Variants in FXN observed in about 807,000 individuals in gnomAD.
FXN encodes the protein frataxin, mitochondrial.
FXN carries 14 observed loss-of-function variants against 22.4 expected under a neutral mutation model. That is an observed-to-expected ratio of 0.62 (90% confidence interval 0.41 to 0.98). The LOEUF (loss-of-function observed/expected upper bound fraction) is 0.98, where lower values mean the gene tolerates loss of function less well. FXN is among the 50% of genes least tolerant of loss of function. The pLI is 0.00. For missense variants in FXN, 267 were observed against 268.4 expected, an observed-to-expected ratio of 0.99 and a Z score of 0.04; for synonymous variants, 120 against 114.1, an observed-to-expected ratio of 1.05 and a Z score of -0.33.
chr9:69,071,832 C>G (rs1280395675), intron 4 of FXN, among the ~76,000 whole-genome samples: 1 of 152,182 alleles, frequency 6.6e-6, no homozygotes, highest in East Asian at 1.9e-4. Flanking sequence ...ACATCTGATT[C>G]AACCAACCGT....
chr9:69,053,210 G>T lies in FXN; in HGVS notation c.334G>T (p.Asp112Tyr), dbSNP rs1239243428. The change falls in exon 3 of 5, where the codon GAC (aspartate) becomes TAC (tyrosine). Residue 112 changes from aspartate to tyrosine, a missense_variant. Physicochemically the swap from Asp to Tyr is radical, Grantham distance 160. Transcript: ENST00000484259. ...TLDSLAEFFEDLADKPYTFED... is the reference protein window; with the variant it reads ...TLDSLAEFFEYLADKPYTFED... ...GGACTCTTTAGCAGAGTTTTTTGAAGACCTTGCAGACAAGCCATACACGTT... is the reference window on the plus strand; with the variant it reads ...GGACTCTTTAGCAGAGTTTTTTGAATACCTTGCAGACAAGCCATACACGTT... 4 of 1,613,892 alleles carry T rather than the reference G, an allele frequency of 2.5e-6. No individual in the cohort carries two copies. In the African/African-American group the frequency reaches 5.3e-5, roughly 22 times the overall value.
intron 1 of FXN, among the ~76,000 whole-genome samples, chr9:69,040,043 C>A (rs950509220): frequency 6.6e-6 from 1 of 152,212 alleles, no homozygotes; most frequent in Non-Finnish European, 1.5e-5. Flanking sequence ...GAAGAACCTT[C>A]ATGACCCAGT....
intron 4 of FXN, among the ~76,000 whole-genome samples, chr9:69,070,953 G>C (rs1233586568): frequency 1.3e-5 from 2 of 152,090 alleles, no homozygotes; most frequent in Non-Finnish European, 2.9e-5. Flanking sequence ...TTATGGGTGT[G>C]AGCCACTGCA....
In FXN at chr9:69,072,964, A is replaced by G. The variant is rs1587832542; in HGVS notation, c.*202A>G. ...CCCCAAGTTCTGATTTTTAATTTCT[A>G]TGGAAGATTTTTTGGATTGTCGGAT... On this transcript the variant is annotated 3_prime_UTR_variant, in exon 5 of 5. Transcript: ENST00000484259. 3.5e-6 allele frequency: 5 copies of G among 1,440,032 alleles called. 1 individual carries two copies. Among genetic ancestry groups the G allele is most frequent in the South Asian group, 1.5e-5 (1 of 66,108 alleles). The allele number at this position is 1,440,032 out of a possible 1,614,324, so 89.2% of individuals were successfully genotyped here.
In FXN at chr9:69,038,836, C is replaced by A. The variant is rs375940598; in HGVS notation, c.165+2889C>A. 3.9e-5 allele frequency among the ~76,000 whole-genome samples: 6 copies of A among 152,328 alleles called. No individual in the cohort carries two copies. In the East Asian group the frequency reaches 1.2e-3, roughly 29 times the overall value. On this transcript the variant is annotated intron_variant, in intron 1 of 4. Coordinates refer to ENST00000484259, the MANE Select transcript of FXN (RefSeq NM_000144.5). ...AGATATCTTGCATACTCTTTTCGTA[C>A]TCATATACTTCCAGCATATCTCAAT...
chr9:69,037,295 A>AGAAGAG (rs1831575740), intron 1 of FXN, among the ~76,000 whole-genome samples: 1 of 147,880 alleles, frequency 6.8e-6, no homozygotes, highest in Non-Finnish European at 1.5e-5. Flanking sequence ...AAGAAGAAGA[A>AGAAGAG]GAAGAAGAAA....
Position 69,073,393 on chromosome 9 carries a change from T to TA in FXN, c.*632dup. 1 of 986,582 alleles carries TA rather than the reference T, an allele frequency of 1.0e-6. No individual in the cohort carries two copies. The highest frequency in any genetic ancestry group is 1.7e-5 in the African/African-American group (1 of 57,326). 61.1% of individuals were successfully genotyped at this position (986,582 alleles called of 1,614,324 possible). A position where few individuals can be genotyped will look rare whatever the true frequency, so the allele number is the denominator to read the frequency against. ...GTGCTGTTTCTCCCACATATTCACA[T>TA]ACGTGTCTGTGTGTATATATATTTT... is the stretch of plus-strand genomic sequence containing the variant. On this transcript the variant is annotated 3_prime_UTR_variant, in exon 5 of 5. Coordinates refer to ENST00000484259, the MANE Select transcript of FXN (RefSeq NM_000144.5).
intron 2 of FXN, 39 bp downstream of exon 2, chr9:69,046,521 C>T (rs761724785): frequency 1.4e-6 from 2 of 1,383,260 alleles, no homozygotes; most frequent in Non-Finnish European, 2.0e-6. Context: ...GTATCTTCCT[C>T]TCTCCTTCCC....
intron 1 of FXN, among the ~76,000 whole-genome samples, chr9:69,045,076 G>A (rs1013287086): frequency 1.3e-5 from 2 of 152,120 alleles, no homozygotes; most frequent in South Asian, 2.1e-4. Flanking sequence ...CTGATGTGAT[G>A]GAAATGCTGT....
rs1832297888 is a variant in FXN at position 69,072,764 on chromosome 9, G to A, written c.*2G>A. The A allele has an allele frequency of 1.2e-6, 2 of 1,614,000 alleles. No homozygotes were observed. Among genetic ancestry groups the A allele is most frequent in the South Asian group, 1.1e-5 (1 of 91,082 alleles). ...GCCTATTCCGGAAAAGATGCTTGATGCCCAGCCCCGTTTTAAGGACATTAA... is the reference window on the plus strand; with the variant it reads ...GCCTATTCCGGAAAAGATGCTTGATACCCAGCCCCGTTTTAAGGACATTAA... On this transcript the variant is annotated 3_prime_UTR_variant, in exon 5 of 5. Transcript: ENST00000484259.
chr9:69,067,969 T>C (rs918684240), intron 4 of FXN, among the ~76,000 whole-genome samples: 8 of 152,138 alleles, frequency 5.3e-5, no homozygotes, highest in African/African-American at 1.7e-4. Context: ...TAGCCTCTAG[T>C]GTATAATGGG....
chr9:69,076,019 A>ATTATTTT lies in FXN; in HGVS notation c.*3259_*3265dup. On this transcript the variant is annotated 3_prime_UTR_variant, in exon 5 of 5. Coordinates refer to ENST00000484259, the MANE Select transcript of FXN (RefSeq NM_000144.5). Reference sequence around the variant, plus strand: ...AGGTGTTCATCAGAAAGCTTTTTCTATTATTTTTACCTTCTTGAGTGGGTA... The same window carrying ATTATTTT: ...AGGTGTTCATCAGAAAGCTTTTTCTATTATTTTTTATTTTTACCTTCTTGAGTGGGTA... 3.1e-6 allele frequency: 3 copies of ATTATTTT among 976,276 alleles called. No individual in the cohort carries two copies. Among genetic ancestry groups the ATTATTTT allele is most frequent in the Non-Finnish European group, 3.6e-6 (3 of 828,716 alleles). The allele number at this position is 976,276 out of a possible 1,614,324, so 60.5% of individuals were successfully genotyped here.
At chr9:69,065,800 T>TC (rs1832157603) in intron 4 of FXN, among the ~76,000 whole-genome samples, 2 of 152,212 alleles carry the variant, frequency 1.3e-5, no homozygotes, top group Non-Finnish European at 2.9e-5. Flanking sequence ...ACTTTTGACC[T>TC]TGTAGCGTTT....
intron 1 of FXN, among the ~76,000 whole-genome samples, chr9:69,045,319 T>C (rs1431483424): frequency 1.3e-5 from 2 of 151,560 alleles, no homozygotes. Flanking sequence ...TACTTTAATA[T>C]AGGGCTGGGT....
In FXN at chr9:69,073,428, A is replaced by C. The variant is rs1832310478; in HGVS notation, c.*666A>C. 3.0e-6 allele frequency: 3 copies of C among 985,432 alleles called. No individual in the cohort carries two copies. Among genetic ancestry groups the C allele is most frequent in the Non-Finnish European group, 3.6e-6 (3 of 829,972 alleles). The allele number at this position is 985,432 out of a possible 1,614,324, so 61.0% of individuals were successfully genotyped here. On this transcript the variant is annotated 3_prime_UTR_variant, in exon 5 of 5. Transcript: ENST00000484259. The stretch of plus-strand genomic sequence containing the variant: ...TGTGTATATATATTTTTTCAATTTA[A>C]AGGTTAGTATGGAATCAGCTGCTAC...
chr9:69,071,525 A>C (rs1193882479), intron 4 of FXN, among the ~76,000 whole-genome samples: 1 of 152,178 alleles, frequency 6.6e-6, no homozygotes. Context: ...ATCATCCATG[A>C]GGCCATGAGG....
At chr9:69,056,264 TGAAAAA>T (rs1831957033) in intron 3 of FXN, among the ~76,000 whole-genome samples, 1 of 152,128 alleles carries the variant, frequency 6.6e-6, no homozygotes. Flanking sequence ...TGGCCATAAC[TGAAAAA>T]CAAGCACTTC....
intron 3 of FXN, among the ~76,000 whole-genome samples, chr9:69,060,185 G>A (rs367940220): frequency 3.3e-5 from 5 of 152,162 alleles, no homozygotes; most frequent in East Asian, 3.9e-4. Flanking sequence ...TGGCTAACAC[G>A]GTGAAACCCC....
Position 69,035,820 on chromosome 9 carries a change from T to A in FXN, c.38T>A (p.Leu13Gln), listed in dbSNP as rs1462047732. The change falls in exon 1 of 5, where the codon CTG becomes CAG. Residue 13 changes from leucine to glutamine, a missense_variant. By Grantham distance (113) the Leu-to-Gln change is moderately radical. Transcript: ENST00000484259. ...TLGRRAVAGL[L>Q]ASPSPAQAQT... Reference sequence around the variant, plus strand: ...GGGCGCCGCGCAGTAGCCGGCCTCCTGGCGTCACCCAGCCCAGCCCAGGCC... The same window carrying A: ...GGGCGCCGCGCAGTAGCCGGCCTCCAGGCGTCACCCAGCCCAGCCCAGGCC... 5 of 1,512,260 alleles carry A rather than the reference T, an allele frequency of 3.3e-6. No individual in the cohort carries two copies. The South Asian group carries it at 4.9e-5, about 15-fold the overall frequency. 93.7% of individuals were successfully genotyped at this position (1,512,260 alleles called of 1,614,324 possible).
Sources: allele counts gnomAD v4.1 joint callset (sites outside exome capture counted in the v4.1 genomes callset), GRCh38; gene constraint gnomAD v4.1.1; transcripts MANE v1.5; gene names NCBI Gene and HGNC (gene_info 2026-07-23, HGNC 2026-07-21).